The following DGKB variants were observed in gnomAD, a reference collection of about 807,000 sequenced individuals.
DGKB encodes the protein 90 kDa diacylglycerol kinase.
A neutral mutation model predicts 114.3 loss-of-function variants in DGKB; 67 were observed. The observed-to-expected ratio is 0.59, with a 90% CI of 0.48 to 0.72. The LOEUF (loss-of-function observed/expected upper bound fraction) is 0.72, where lower values mean the gene tolerates loss of function less well. Among genes scored for constraint, DGKB ranks in the 30% least tolerant of loss-of-function variants. The pLI is 0.00. For missense variants in DGKB, 907 were observed against 975.2 expected (o/e 0.93, Z 0.93); for synonymous variants, 398 against 323.1 (o/e 1.23, Z -2.49).
At chr7:14,250,194 C>T (rs1795028067) in intron 23 of DGKB, among the ~76,000 whole-genome samples, 1 of 149,668 alleles carries the variant, frequency 6.7e-6, no homozygotes, top group African/African-American at 2.5e-5. Context: ...GTCTTGAATT[C>T]CTGGGCTCAA....
intron 23 of DGKB, among the ~76,000 whole-genome samples, chr7:14,220,258 G>A (rs915375172): frequency 2.0e-5 from 3 of 151,602 alleles, no homozygotes; most frequent in Non-Finnish European, 3.0e-5. Context: ...CATTATATAT[G>A]CAGTCCATCA....
chr7:14,480,442 C>G (rs1026474770), intron 20 of DGKB, among the ~76,000 whole-genome samples: 2 of 152,050 alleles, frequency 1.3e-5, no homozygotes, highest in Non-Finnish European at 2.9e-5. Flanking sequence ...GATGAGAATT[C>G]AGATCCAATT....
intron 2 of DGKB, among the ~76,000 whole-genome samples, chr7:14,822,017 T>G (rs193281714): frequency 6.6e-6 from 1 of 152,322 alleles, no homozygotes; most frequent in East Asian, 1.9e-4. Context: ...CCCAAAGTTA[T>G]GGAATGATGG....
intron 21 of DGKB, among the ~76,000 whole-genome samples, chr7:14,377,246 C>A (rs1041568248): frequency 5.3e-5 from 8 of 152,128 alleles, no homozygotes; most frequent in Admixed American, 3.3e-4. Flanking sequence ...GAGCAGCCAG[C>A]CAGCCAAATG....
At chr7:14,597,970 A>G (rs1472010163) in intron 17 of DGKB, among the ~76,000 whole-genome samples, 1 of 152,140 alleles carries the variant, frequency 6.6e-6, no homozygotes, top group East Asian at 1.9e-4. Context: ...CAATCAATTC[A>G]TTACTGTATT....
At chr7:14,300,290 C>T (rs1290572156) in intron 23 of DGKB, among the ~76,000 whole-genome samples, 1 of 152,024 alleles carries the variant, frequency 6.6e-6, no homozygotes, top group Admixed American at 6.6e-5. Context: ...TTTTTTCCCT[C>T]ATCAATCTGA....
intron 25 of DGKB, among the ~76,000 whole-genome samples, chr7:14,164,513 C>T (rs774799245): frequency 5.3e-5 from 8 of 152,164 alleles, no homozygotes; most frequent in Admixed American, 2.6e-4. Context: ...TAAACTTCAT[C>T]GCACTATTTC....
intron 20 of DGKB, among the ~76,000 whole-genome samples, chr7:14,565,228 T>C (rs1797220273): frequency 6.6e-6 from 1 of 152,110 alleles, no homozygotes; most frequent in Non-Finnish European, 1.5e-5. Context: ...GCTTAACCTG[T>C]TGGATGCTGG....
rs1237955112 is a variant in DGKB at position 14,864,083 on chromosome 7, G to A, written c.-187-22633C>T. On this transcript the variant is annotated intron_variant, in intron 1 of 25. Transcript: ENST00000402815. ...CATTGCACTCTCCAGTCTGGGCAAC[G>A]GGAGCAAAACTCTGTTTCAAAAAAA... Among the ~76,000 whole-genome samples, 6 of 145,952 alleles carry A rather than the reference G, an allele frequency of 4.1e-5. No individual in the cohort carries two copies. The East Asian group carries it at 1.0e-3, about 24-fold the overall frequency.
chr7:14,685,468 G>C, intron 9 of DGKB, 106 bp from the exon 10 acceptor site: 1 of 784,046 alleles, frequency 1.3e-6, no homozygotes, highest in Non-Finnish European at 2.1e-6. Flanking sequence ...AAGACAATCT[G>C]TTATTTCATC....
intron 13 of DGKB, among the ~76,000 whole-genome samples, chr7:14,649,336 A>C (rs992770758): frequency 6.6e-6 from 1 of 151,724 alleles, no homozygotes; most frequent in Non-Finnish European, 1.5e-5. Flanking sequence ...GTGGGGACCA[A>C]TATTCAACAT....
At chr7:14,654,721 C>G (rs1211428922) in intron 13 of DGKB, among the ~76,000 whole-genome samples, 2 of 151,974 alleles carry the variant, frequency 1.3e-5, no homozygotes, top group East Asian at 3.9e-4. Flanking sequence ...TGAAACAAAT[C>G]TATGTATTTT....
At chr7:14,177,656 A>C (rs567001494) in intron 24 of DGKB, among the ~76,000 whole-genome samples, 1 of 151,990 alleles carries the variant, frequency 6.6e-6, no homozygotes, top group East Asian at 1.9e-4. Flanking sequence ...TTACTGTGGC[A>C]CTTTAGTCCA....
At chr7:14,697,884 G>A (rs1824313967) in intron 8 of DGKB, among the ~76,000 whole-genome samples, 1 of 139,968 alleles carries the variant, frequency 7.1e-6, no homozygotes, top group African/African-American at 2.8e-5. Flanking sequence ...AGGGAGGGAG[G>A]GGAGAAAGAA....
intron 21 of DGKB, among the ~76,000 whole-genome samples, chr7:14,476,075 T>G: frequency 6.6e-6 from 1 of 152,136 alleles, no homozygotes; most frequent in African/African-American, 2.4e-5. Context: ...CAAAAGGTAT[T>G]ATCCAAACAC....
intron 1 of DGKB, among the ~76,000 whole-genome samples, chr7:14,941,575 TAC>T (rs1785574582): frequency 6.6e-6 from 1 of 152,096 alleles, no homozygotes; most frequent in East Asian, 1.9e-4. Flanking sequence ...GAAGATGGTT[TAC>T]AGTTTACCTA....
intron 20 of DGKB, among the ~76,000 whole-genome samples, chr7:14,558,273 A>C (rs1470846652): frequency 2.0e-5 from 3 of 151,718 alleles, no homozygotes; most frequent in Non-Finnish European, 2.9e-5. Context: ...TTTGTATCTA[A>C]ATTTCTGCTA....
intron 1 of DGKB, among the ~76,000 whole-genome samples, chr7:14,956,104 C>T (rs990277150): frequency 1.3e-4 from 19 of 151,846 alleles, no homozygotes; most frequent in Non-Finnish European, 1.5e-5. Flanking sequence ...TCAAAATATG[C>T]TAAGACTCAT....
At chr7:14,192,496 T>G (rs1034682492) in intron 23 of DGKB, among the ~76,000 whole-genome samples, 1 of 152,156 alleles carries the variant, frequency 6.6e-6, no homozygotes, top group Admixed American at 6.5e-5. Flanking sequence ...ATTATATTCA[T>G]GAATTGGAAG....
Sources: allele counts gnomAD v4.1 joint callset (sites outside exome capture counted in the v4.1 genomes callset), GRCh38; gene constraint gnomAD v4.1.1; transcripts MANE v1.5; gene names NCBI Gene and HGNC (gene_info 2026-07-23, HGNC 2026-07-21).